Variants in SPATA16 observed in about 807,000 individuals in gnomAD.
SPATA16 encodes spermatogenesis-associated protein 16.
In SPATA16, 36 loss-of-function variants were observed where a neutral mutation model predicts 63.3. That is an observed-to-expected ratio of 0.57 (90% CI 0.44 to 0.75). The LOEUF is 0.75. Among genes scored for constraint, SPATA16 ranks in the 30% least tolerant of loss-of-function variants. The pLI, the probability that SPATA16 is intolerant of heterozygous loss-of-function variation, is 0.00. For synonymous variants in SPATA16, 203 were observed against 216.7 expected (o/e 0.94, Z 0.56); for missense variants, 646 against 679.3 (o/e 0.95, Z 0.54).
intron 3 of SPATA16, among the ~76,000 whole-genome samples, chr3:173,022,027 G>T (rs1483093174): frequency 1.3e-5 from 2 of 152,030 alleles, no homozygotes; most frequent in Non-Finnish European, 2.9e-5. Context: ...GGAAGGAGGG[G>T]TAGTGAAGAA....
chr3:172,919,875 T>G (rs751731751), intron 8 of SPATA16, among the ~76,000 whole-genome samples: 8 of 152,116 alleles, frequency 5.3e-5, no homozygotes, highest in Non-Finnish European at 1.2e-4. Context: ...GTGTTTTTAA[T>G]AGAGACAGAG....
At chr3:173,000,676 A>G (rs1320364977) in intron 4 of SPATA16, among the ~76,000 whole-genome samples, 3 of 146,812 alleles carry the variant, frequency 2.0e-5, no homozygotes. Context: ...CATATGTGAC[A>G]TCCTTTTTGT....
chr3:172,916,205 C>T (rs1415380958), intron 9 of SPATA16, 112 bp downstream of exon 9: 16 of 1,332,554 alleles, frequency 1.2e-5, no homozygotes, highest in Non-Finnish European at 1.7e-5. Context: ...GGGAGTTTGC[C>T]CTCAGGCTAC....
chr3:172,983,229 A>G (rs1734361860), intron 4 of SPATA16, among the ~76,000 whole-genome samples: 1 of 152,210 alleles, frequency 6.6e-6, no homozygotes, highest in Non-Finnish European at 1.5e-5. Flanking sequence ...GTATTCTCTG[A>G]ATAGAAGTCT....
intron 6 of SPATA16, 117 bp downstream of exon 6, chr3:172,956,560 G>T: frequency 8.8e-7 from 1 of 1,137,120 alleles, no homozygotes; most frequent in Non-Finnish European, 1.2e-6. Context: ...CAAGTCATCA[G>T]ATGAAAACAG....
chr3:172,908,622 C>T (rs779675887), intron 10 of SPATA16, among the ~76,000 whole-genome samples: 3 of 152,104 alleles, frequency 2.0e-5, no homozygotes, highest in Non-Finnish European at 2.9e-5. Context: ...CAAAGTAGAG[C>T]CCTGAAAATT....
intron 4 of SPATA16, among the ~76,000 whole-genome samples, chr3:172,991,980 G>A (rs1439476533): frequency 6.6e-6 from 1 of 152,146 alleles, no homozygotes; most frequent in Non-Finnish European, 1.5e-5. Context: ...CTGAGAAACT[G>A]AATTCTTTTA....
At chr3:173,069,867 T>C (rs1736623962) in intron 2 of SPATA16, among the ~76,000 whole-genome samples, 1 of 152,018 alleles carries the variant, frequency 6.6e-6, no homozygotes, top group Non-Finnish European at 1.5e-5. Context: ...CCATATCAAC[T>C]TAATAAAGGA....
At chr3:172,921,861 C>T (rs1225969803) in intron 8 of SPATA16, among the ~76,000 whole-genome samples, 1 of 152,110 alleles carries the variant, frequency 6.6e-6, no homozygotes, top group Non-Finnish European at 1.5e-5. Flanking sequence ...GTGACTTGCC[C>T]TAGGGTTACT....
At chr3:172,977,218 G>A (rs1003455927) in intron 4 of SPATA16, among the ~76,000 whole-genome samples, 166 bp from the exon 5 acceptor site, 96 of 152,090 alleles carry the variant, frequency 6.3e-4, no homozygotes, top group African/African-American at 2.2e-3. Flanking sequence ...AGTGTTGAAA[G>A]TAGGGATTTT....
intron 2 of SPATA16, among the ~76,000 whole-genome samples, chr3:173,096,070 A>G (rs1737342754): frequency 1.3e-5 from 2 of 152,058 alleles, no homozygotes. Context: ...CCTTACTACT[A>G]ATAAAGAGCT....
Position 172,921,437 on chromosome 3 carries a change from G to A in SPATA16, c.1338+2771C>T, listed in dbSNP as rs1470798240. Among the ~76,000 whole-genome samples the A allele has an allele frequency of 3.3e-5, 5 of 152,188 alleles. No individual in the cohort carries two copies. The East Asian group carries it at 9.7e-4, about 29-fold the overall frequency. On this transcript the variant is annotated intron_variant, in intron 8 of 10. Transcript: ENST00000351008. The stretch of plus-strand genomic sequence containing the variant: ...TGAGGCTGCTTGTCACACGAGCATG[G>A]TCACAGCCTGCTGTCAACAAGACTG...
chr3:172,957,485 G>A (rs1733624273), intron 5 of SPATA16, among the ~76,000 whole-genome samples: 1 of 152,090 alleles, frequency 6.6e-6, no homozygotes, highest in South Asian at 2.1e-4. Flanking sequence ...TTTTAAATAG[G>A]TCCATTACTA....
chr3:172,933,281 C>T (rs936494352), intron 6 of SPATA16, among the ~76,000 whole-genome samples: 1 of 152,200 alleles, frequency 6.6e-6, no homozygotes, highest in Non-Finnish European at 1.5e-5. Context: ...ATGCATTTCT[C>T]TCCTCCTCCC....
At chr3:173,091,662 A>G (rs1468927105) in intron 2 of SPATA16, among the ~76,000 whole-genome samples, 1 of 152,184 alleles carries the variant, frequency 6.6e-6, no homozygotes, top group Non-Finnish European at 1.5e-5. Flanking sequence ...AAATGTTTAA[A>G]TGAAATGTAT....
intron 10 of SPATA16, among the ~76,000 whole-genome samples, chr3:172,909,536 T>G (rs1412674600): frequency 6.6e-6 from 1 of 152,124 alleles, no homozygotes; most frequent in African/African-American, 2.4e-5. Context: ...CCAATTCACA[T>G]AGAGAGGCCA....
intron 3 of SPATA16, among the ~76,000 whole-genome samples, chr3:173,035,733 C>A (rs1045832877): frequency 6.6e-6 from 1 of 151,980 alleles, no homozygotes. Context: ...GTGCAGCCTG[C>A]AAATTTTCTA....
intron 2 of SPATA16, among the ~76,000 whole-genome samples, chr3:173,080,301 G>T (rs1222742953): frequency 6.6e-6 from 1 of 152,202 alleles, no homozygotes; most frequent in Non-Finnish European, 1.5e-5. Flanking sequence ...TGCTCAGAGG[G>T]TTGAGTAGTT....
intron 4 of SPATA16, among the ~76,000 whole-genome samples, chr3:172,998,669 T>C (rs1282607265): frequency 6.6e-6 from 1 of 152,166 alleles, no homozygotes; most frequent in African/African-American, 2.4e-5. Context: ...CAATGTTAGC[T>C]GTAGGTTTTT....
Sources: gnomAD v4.1 joint callset for allele counts (sites outside exome capture counted in the v4.1 genomes callset) on GRCh38, gnomAD v4.1.1 for gene constraint, MANE v1.5 for transcripts, NCBI Gene and HGNC (gene_info 2026-07-23, HGNC 2026-07-21) for gene names.